The following LIFR variants were observed in gnomAD, a reference collection of about 807,000 sequenced individuals.
The protein encoded by LIFR is leukemia inhibitory factor receptor.
A neutral mutation model predicts 122.2 loss-of-function variants in LIFR; 84 were observed. That is an observed-to-expected ratio of 0.69 (90% CI 0.58 to 0.82). The LOEUF is 0.82. Among genes scored for constraint, LIFR ranks in the 40% least tolerant of loss-of-function variants. The probability of loss-of-function intolerance (pLI) is 0.00; values close to 1 mark genes in which losing one functional copy is unlikely to be tolerated. For synonymous variants in LIFR, 422 were observed against 434.7 expected, an observed-to-expected ratio of 0.97 and a Z score of 0.36; for missense variants, 1,294 against 1,311.6, an observed-to-expected ratio of 0.99 and a Z score of 0.21.
chr5:38,507,597 G>T (rs1745563348), intron 7 of LIFR, among the ~76,000 whole-genome samples: 1 of 144,734 alleles, frequency 6.9e-6, no homozygotes, highest in African/African-American at 2.5e-5. Flanking sequence ...TAAATTAAAA[G>T]TCTGCAGTCT....
Position 38,485,820 on chromosome 5 carries a change from A to AT in LIFR, c.2495dup (p.Asn832LysfsTer35). 1 of 1,613,740 alleles carries AT rather than the reference A, an allele frequency of 6.2e-7. No individual in the cohort carries two copies. Among genetic ancestry groups the AT allele is most frequent in the Non-Finnish European group, 8.5e-7 (1 of 1,179,890 alleles). ...CCTCAACAGCAACCTGAAACTTACAATTTTCCTTTGTCACCACATACATAC... is the reference window on the plus strand; with the variant it reads ...CCTCAACAGCAACCTGAAACTTACAATTTTTCCTTTGTCACCACATACATAC... On this transcript the variant is annotated frameshift_variant and splice_region_variant, in exon 17 of 20. Transcript: ENST00000453190. LOFTEE classifies it high-confidence loss of function.
intron 1 of LIFR, among the ~76,000 whole-genome samples, chr5:38,571,323 G>A (rs1206415561): frequency 6.6e-6 from 1 of 152,046 alleles, no homozygotes; most frequent in Non-Finnish European, 1.5e-5. Flanking sequence ...AGGCTGAGGC[G>A]GGCGGATCAC....
chr5:38,549,386 C>T (rs1748075627), intron 1 of LIFR, among the ~76,000 whole-genome samples: 1 of 152,024 alleles, frequency 6.6e-6, no homozygotes, highest in African/African-American at 2.4e-5. Context: ...ATAAATATTC[C>T]CCTACATCAC....
Position 38,490,200 on chromosome 5 carries a change from T to C in LIFR, c.2157A>G (p.Ile719Met), listed in dbSNP as rs367749984. 6.7e-7 allele frequency: 1 copy of C among 1,498,404 alleles called. No homozygotes were observed. Among genetic ancestry groups the C allele is most frequent in the Non-Finnish European group, 9.2e-7 (1 of 1,081,576 alleles). 92.8% of individuals were successfully genotyped at this position (1,498,404 alleles called of 1,614,324 possible). Reference sequence around the variant, plus strand: ...ACCCATTTAACTTACCCAATTCTTCTATATATCCAATCATGGAGCGTAATA... The same window carrying C: ...ACCCATTTAACTTACCCAATTCTTCCATATATCCAATCATGGAGCGTAATA... ...YQLLRSMIGY[I>M]EELAPIVAPN... Residue 719 changes from isoleucine to methionine, a missense_variant, in exon 15 of 20, where the codon ATA (isoleucine) becomes ATG (methionine). Coordinates refer to ENST00000453190, the MANE Select transcript of LIFR (RefSeq NM_001127671.2).
Position 38,528,719 on chromosome 5 carries a change from A to C in LIFR, c.257+7T>G, listed in dbSNP as rs1378595604. ...GCTCATTGTGAATTAAAGTAAATTAAAATTACCTGTTTTCAATGCAAACTT... is the reference window on the plus strand; with the variant it reads ...GCTCATTGTGAATTAAAGTAAATTACAATTACCTGTTTTCAATGCAAACTT... On this transcript the variant is annotated splice_region_variant and intron_variant, in intron 3 of 19. Coordinates refer to ENST00000453190, the MANE Select transcript of LIFR (RefSeq NM_001127671.2). 2.0e-6 allele frequency: 3 copies of C among 1,522,228 alleles called. No individual in the cohort carries two copies. The African/African-American group carries it at 4.1e-5, about 21-fold the overall frequency. The allele number at this position is 1,522,228 out of a possible 1,614,324, so 94.3% of individuals were successfully genotyped here.
At chr5:38,602,513 A>G (rs1750240540) in intron 2 of LIFR, among the ~76,000 whole-genome samples, 1 of 146,950 alleles carries the variant, frequency 6.8e-6, no homozygotes, top group African/African-American at 2.5e-5. Context: ...TTTTTTCTCC[A>G]TCTCTTCTTC....
At chr5:38,507,151 A>G (rs1013394431) in intron 7 of LIFR, among the ~76,000 whole-genome samples, 3 of 152,320 alleles carry the variant, frequency 2.0e-5, no homozygotes, top group Non-Finnish European at 4.4e-5. Context: ...CAGTATATAC[A>G]AACTGACTGC....
chr5:38,516,525 T>A (rs1281700182), intron 5 of LIFR, among the ~76,000 whole-genome samples: 4 of 152,164 alleles, frequency 2.6e-5, no homozygotes, highest in Non-Finnish European at 5.9e-5. Context: ...TCATGCCAGT[T>A]AGAATGGCGA....
intron 1 of LIFR, among the ~76,000 whole-genome samples, chr5:38,581,931 A>C (rs757382103): frequency 1.3e-5 from 2 of 152,184 alleles, no homozygotes; most frequent in Non-Finnish European, 2.9e-5. Context: ...AAGCTGCATT[A>C]TCACTTCCTT....
intron 13 of LIFR, among the ~76,000 whole-genome samples, chr5:38,494,077 A>T (rs978314879): frequency 2.0e-5 from 3 of 152,210 alleles, no homozygotes; most frequent in Non-Finnish European, 4.4e-5. Context: ...ATCAAGATCA[A>T]GGCACAGGAA....
upstream of LIFR, among the ~76,000 whole-genome samples, chr5:38,560,259 G>A (rs1471857198): frequency 6.6e-6 from 1 of 151,998 alleles, no homozygotes; most frequent in African/African-American, 2.4e-5. Context: ...TTTTAAGCCT[G>A]ACTGATAAAT....
chr5:38,479,055 T>C lies in LIFR; in HGVS notation c.*2540A>G. On this transcript the variant is annotated 3_prime_UTR_variant, in exon 20 of 20. Transcript: ENST00000453190. ...CACATTTACCAGTATCTCAGACAAC[T>C]GAACATGTGACCAATCTCCTTCCAA... 1 of 231,266 alleles carries C rather than the reference T, an allele frequency of 4.3e-6. No individual in the cohort carries two copies. The highest frequency in any genetic ancestry group is 8.6e-6 in the Non-Finnish European group (1 of 116,770). 14.3% of individuals were successfully genotyped at this position (231,266 alleles called of 1,614,324 possible). A position where few individuals can be genotyped will look rare whatever the true frequency, so the allele number is the denominator to read the frequency against.
chr5:38,598,232 TATTTA>T (rs759721435), upstream of LIFR, among the ~76,000 whole-genome samples: 554 of 73,492 alleles, frequency 7.5e-3, 52 homozygotes, highest in African/African-American at 0.02. Flanking sequence ...TTTTTTTTTT[TATTTA>T]TTTATTTATT....
At chr5:38,572,013 A>G (rs966293335) in intron 1 of LIFR, among the ~76,000 whole-genome samples, 19 of 152,326 alleles carry the variant, frequency 1.2e-4, no homozygotes, top group Non-Finnish European at 2.8e-4. Flanking sequence ...TGTTTTTACT[A>G]TAGCTTAAGC....
At chr5:38,584,724 A>T (rs1749692417) in intron 1 of LIFR, among the ~76,000 whole-genome samples, 1 of 152,174 alleles carries the variant, frequency 6.6e-6, no homozygotes, top group South Asian at 2.1e-4. Context: ...AAATAGGGAG[A>T]TGTAGGTCAA....
At chr5:38,549,333 TCTG>T (rs113499829) in intron 1 of LIFR, among the ~76,000 whole-genome samples, 4,996 of 151,936 alleles carry the variant, frequency 0.033, 254 homozygotes, top group African/African-American at 0.11. Context: ...TGTTTTACAA[TCTG>T]CTTTTTCAGT....
At chr5:38,528,469 C>G (rs1402759213) in intron 3 of LIFR, among the ~76,000 whole-genome samples, 1 of 152,100 alleles carries the variant, frequency 6.6e-6, no homozygotes, top group African/African-American at 2.4e-5. Flanking sequence ...TGGCAGAAAT[C>G]TGAGTGACAG....
rs1282155527 is a variant in LIFR, at chr5:38,494,996, C to T, written c.1886-1211G>A. Among the ~76,000 whole-genome samples, 3 of 152,196 alleles carry T rather than the reference C, an allele frequency of 2.0e-5. No individual in the cohort carries two copies. The East Asian group carries it at 5.8e-4, about 29-fold the overall frequency. ...TTCATAAAGCAACTACTACTAAACG[C>T]AAGACAACAATTTGGCTGAGAATAG... is the stretch of plus-strand genomic sequence containing the variant. On this transcript the variant is annotated intron_variant, in intron 13 of 19. Coordinates refer to ENST00000453190, the MANE Select transcript of LIFR (RefSeq NM_001127671.2).
chr5:38,594,252 A>G (rs1750024599), intron 1 of LIFR, among the ~76,000 whole-genome samples: 1 of 152,196 alleles, frequency 6.6e-6, no homozygotes, highest in Admixed American at 6.5e-5. Flanking sequence ...TTAAAAGATC[A>G]GTGGTTGTCA....
Sources: allele counts gnomAD v4.1 joint callset (sites outside exome capture counted in the v4.1 genomes callset), GRCh38; gene constraint gnomAD v4.1.1; transcripts MANE v1.5; gene names NCBI Gene and HGNC (gene_info 2026-07-23, HGNC 2026-07-21).